Variants in BAZ1B observed in about 807,000 individuals in gnomAD.
The protein encoded by BAZ1B is bromodomain adjacent to zinc finger domain 1B.
A neutral mutation model predicts 153.8 loss-of-function variants in BAZ1B; 22 were observed. The observed-to-expected ratio is 0.14, with a 90% CI of 0.10 to 0.20. The LOEUF (loss-of-function observed/expected upper bound fraction) is 0.20. Ranked by LOEUF, BAZ1B falls within the 10% of genes least tolerant of loss-of-function variation. The probability of loss-of-function intolerance (pLI) is 1.00; values close to 1 mark genes in which losing one functional copy is unlikely to be tolerated. For missense variants in BAZ1B, 1,325 were observed against 1,799.3 expected (o/e 0.74, Z 4.77); for synonymous variants, 676 against 633.4 (o/e 1.07, Z -1.01).
chr7:73,466,475 G>A lies in BAZ1B; in HGVS notation c.2867-74C>T, dbSNP rs555524488. 94 of 959,928 alleles carry A rather than the reference G, an allele frequency of 9.8e-5. 1 individual carries two copies. The South Asian group carries it at 1.3e-3, about 13-fold the overall frequency. 59.5% of individuals were successfully genotyped at this position (959,928 alleles called of 1,614,324 possible). On this transcript the variant is annotated intron_variant, in intron 9 of 19. Transcript: ENST00000339594. Reference sequence around the variant, plus strand: ...TAGTTTCAAATCTAAGCAGTACACAGTGCCAAACTCAACAATTTGTAACAA... The same window carrying A: ...TAGTTTCAAATCTAAGCAGTACACAATGCCAAACTCAACAATTTGTAACAA...
Position 73,477,239 on chromosome 7 carries a change from G to A in BAZ1B, c.2222C>T (p.Thr741Met), listed in dbSNP as rs201259773. 14 of 1,614,194 alleles carry A rather than the reference G, an allele frequency of 8.7e-6. No individual in the cohort carries two copies. The highest frequency in any genetic ancestry group is 5.0e-5 in the Admixed American group (3 of 60,024). Residue 741 changes from threonine to methionine, a missense_variant, in exon 7 of 20, where the codon ACG becomes ATG. Thr to Met is a moderately conservative substitution (Grantham distance 81). Around this residue, in one of 9 missense-constraint regions of BAZ1B, gnomAD observed 431 missense variants for 563.5 expected, o/e 0.76. Coordinates refer to ENST00000339594, the MANE Select transcript of BAZ1B (RefSeq NM_032408.4). The surrounding 1 kb of genome is among the most constrained non-coding windows in gnomAD (Gnocchi z 5.6). The stretch of plus-strand genomic sequence containing the variant: ...CAAGATCTGTAGCTTCTCCTCTGAC[G>A]TCAGCTCAAAAAATTCAGAGGTCTC... Reference protein sequence around the residue: ...KLETSEFFELTSEEKLQILTA... With the variant: ...KLETSEFFELMSEEKLQILTA...
At chr7:73,444,231 C>G in intron 16 of BAZ1B, 102 bp from the exon 17 acceptor site, 1 of 1,360,052 alleles carries the variant, frequency 7.4e-7, no homozygotes, top group South Asian at 1.6e-5. Flanking sequence ...TTTTCCTGGA[C>G]AAGGAAAGCA....
chr7:73,465,108 T>C (rs1788531544), intron 11 of BAZ1B, among the ~76,000 whole-genome samples: 1 of 152,152 alleles, frequency 6.6e-6, no homozygotes, highest in Non-Finnish European at 1.5e-5. Context: ...CTTTTGGCTC[T>C]TCTGAATATT....
At chr7:73,451,270 G>C (rs898524723) in intron 13 of BAZ1B, among the ~76,000 whole-genome samples, 2 of 152,172 alleles carry the variant, frequency 1.3e-5, no homozygotes, top group Non-Finnish European at 2.9e-5. Context: ...AGGATCACCT[G>C]TATGCTGTAA....
chr7:73,463,250 T>C (rs1288244958), intron 11 of BAZ1B, 151 bp from the exon 12 acceptor site: 5 of 773,292 alleles, frequency 6.5e-6, no homozygotes, highest in Non-Finnish European at 7.9e-6. Flanking sequence ...TTTTTTTTTT[T>C]TTTTTTTCCC....
intron 13 of BAZ1B, among the ~76,000 whole-genome samples, chr7:73,452,070 C>A (rs1226304918): frequency 1.3e-5 from 2 of 152,334 alleles, no homozygotes; most frequent in East Asian, 1.9e-4. Context: ...ATTATAAAAT[C>A]TGAGCATCCA....
chr7:73,510,282 A>T (rs1554578391), intron 2 of BAZ1B, among the ~76,000 whole-genome samples: 1 of 151,982 alleles, frequency 6.6e-6, no homozygotes, highest in African/African-American at 2.4e-5. Flanking sequence ...ACAAAAAATT[A>T]TCCGGGCTTG....
At chr7:73,508,726 C>A (rs534624247) in intron 2 of BAZ1B, among the ~76,000 whole-genome samples, 1 of 152,120 alleles carries the variant, frequency 6.6e-6, no homozygotes, top group Admixed American at 6.6e-5. Flanking sequence ...TAAGACTTAA[C>A]TTTTGGGCAG....
intron 14 of BAZ1B, among the ~76,000 whole-genome samples, 171 bp from the exon 15 acceptor site, chr7:73,449,860 A>G (rs1787970317): frequency 6.6e-6 from 1 of 152,274 alleles, no homozygotes; most frequent in African/African-American, 2.4e-5. Context: ...GAAATGAAGC[A>G]TAACTTAGAT....
intron 14 of BAZ1B, 51 bp from the exon 15 acceptor site, chr7:73,449,740 A>G (rs375094991): frequency 2.5e-6 from 4 of 1,588,726 alleles, no homozygotes; most frequent in South Asian, 1.1e-5. Context: ...GCAGCAGTCA[A>G]TGAGCTGTAA....
chr7:73,513,473 G>C (rs545542434), intron 1 of BAZ1B, among the ~76,000 whole-genome samples: 1 of 152,042 alleles, frequency 6.6e-6, no homozygotes, highest in Non-Finnish European at 1.5e-5. Flanking sequence ...AAAATATATA[G>C]AATGTTTGAG....
At position 73,476,748 on chromosome 7, in the gene BAZ1B, G is replaced by A; in HGVS notation, c.2593+120C>T. 3 of 1,453,518 alleles carry A rather than the reference G, an allele frequency of 2.1e-6. No homozygotes were observed. The South Asian group carries it at 4.3e-5, about 21-fold the overall frequency. 90.0% of individuals were successfully genotyped at this position (1,453,518 alleles called of 1,614,324 possible). ...AAAAATAAAATACATACCAATAGGT[G>A]CTGGGTTATTACATACAGAAATAAG... On this transcript the variant is annotated intron_variant, in intron 7 of 19. Transcript: ENST00000339594.
At position 73,444,032 on chromosome 7, in the gene BAZ1B, C is replaced by A; in HGVS notation, c.3942G>T (p.Arg1314Ser). 1 of 1,613,912 alleles carries A rather than the reference C, an allele frequency of 6.2e-7. No homozygotes were observed. The highest frequency in any genetic ancestry group is 8.5e-7 in the Non-Finnish European group (1 of 1,179,924). Residue 1314 changes from arginine (R) to serine (S), a missense_variant, in exon 17 of 20, where the codon AGG becomes AGT. Arg to Ser is a moderately radical substitution (Grantham distance 110, BLOSUM62 -1). Transcript: ENST00000339594. ...CCACAGGTGGTGCCTTGGGCTGAGACCTCCTGGTAGAGTGTGGCTTCTTAC... is the reference window on the plus strand; with the variant it reads ...CCACAGGTGGTGCCTTGGGCTGAGAACTCCTGGTAGAGTGTGGCTTCTTAC... ...RPGKKPHSTR[R>S]SQPKAPPVDD...
intron 3 of BAZ1B, among the ~76,000 whole-genome samples, chr7:73,504,875 A>G (rs900183252): frequency 2.6e-5 from 4 of 152,180 alleles, no homozygotes; most frequent in Non-Finnish European, 4.4e-5. Flanking sequence ...ACTGCCAGAC[A>G]TGACAAATAA....
Position 73,442,185 on chromosome 7 carries a change from GC to G in BAZ1B, c.*10del. ...CCCCCACCTCAGCTCCCTTACCACG[GC>G]CCTGCCTCTCTACTTCTTCTGTCTT... is the stretch of plus-strand genomic sequence containing the variant. On this transcript the variant is annotated 3_prime_UTR_variant, in exon 19 of 20. Coordinates refer to ENST00000339594, the MANE Select transcript of BAZ1B (RefSeq NM_032408.4). 8.3e-7 allele frequency: 1 copy of G among 1,211,844 alleles called. No homozygotes were observed. The highest frequency in any genetic ancestry group is 1.1e-6 in the Non-Finnish European group (1 of 898,984). 75.1% of individuals were successfully genotyped at this position (1,211,844 alleles called of 1,614,324 possible).
chr7:73,507,025 C>A (rs1486346126), intron 3 of BAZ1B, among the ~76,000 whole-genome samples: 1 of 149,444 alleles, frequency 6.7e-6, no homozygotes, highest in Non-Finnish European at 1.5e-5. Flanking sequence ...ACTACAGGCG[C>A]CCGCCACCAC....
rs1225354122 is a variant in BAZ1B at position 73,521,842 on chromosome 7, G to A, written c.92C>T (p.Ala31Val). The change falls in exon 1 of 20, where the codon GCC becomes GTC. Residue 31 changes from alanine (A) to valine (V), a missense_variant. By Grantham distance (64) the Ala-to-Val change is moderately conservative. Transcript: ENST00000339594. ...PLFTIPHTQE[A>V]FRTREEYEAR... ...AAAAGGATACTCCCGGGTGCGGAAG[G>A]CCTCCTGAGTGTGCGGGATGGTGAA... is the stretch of plus-strand genomic sequence containing the variant. 3.3e-6 allele frequency: 5 copies of A among 1,503,550 alleles called. No homozygotes were observed. Among genetic ancestry groups the A allele is most frequent in the Non-Finnish European group, 4.5e-6 (5 of 1,121,764 alleles). 93.1% of individuals were successfully genotyped at this position (1,503,550 alleles called of 1,614,324 possible).
intron 3 of BAZ1B, 54 bp from the exon 4 acceptor site, chr7:73,498,752 A>C: frequency 6.7e-7 from 1 of 1,499,508 alleles, no homozygotes; most frequent in South Asian, 1.1e-5. Flanking sequence ...AGAAACCTGA[A>C]GATGTTTAGA....
Position 73,492,853 on chromosome 7 carries a change from G to A in BAZ1B, c.640C>T (p.Pro214Ser). 3.1e-6 allele frequency: 5 copies of A among 1,610,222 alleles called. No individual in the cohort carries two copies. Among genetic ancestry groups the A allele is most frequent in the Non-Finnish European group, 4.2e-6 (5 of 1,178,746 alleles). Residue 214 changes from proline to serine, a missense_variant, in exon 5 of 20, where the codon CCT becomes TCT. Around this residue, in one of 9 missense-constraint regions of BAZ1B, gnomAD observed 153 missense variants for 204.8 expected, o/e 0.75. Coordinates refer to ENST00000339594, the MANE Select transcript of BAZ1B (RefSeq NM_032408.4). Reference sequence around the variant, plus strand: ...TATTTGTGAGGCAGAAATTTTGGAGGAGCCCATTTCCTTTCTCCTTTTTTT... The same window carrying A: ...TATTTGTGAGGCAGAAATTTTGGAGAAGCCCATTTCCTTTCTCCTTTTTTT... The part of the protein sequence containing the change: ...SLKKGERKWA[P>S]PKFLPHKYDV...
Sources: allele counts gnomAD v4.1 joint callset (sites outside exome capture counted in the v4.1 genomes callset), GRCh38; gene constraint gnomAD v4.1.1; regional missense constraint gnomAD v4.1.1; non-coding constraint Gnocchi (gnomAD v3.1); transcripts MANE v1.5; gene names NCBI Gene and HGNC (gene_info 2026-07-23, HGNC 2026-07-21).